TMEM232: variants seen among roughly 807,000 people sequenced by gnomAD.
TMEM232 encodes the protein transmembrane protein 232.
Under a neutral mutation model 78.8 loss-of-function variants are expected in TMEM232, and 80 were observed. The ratio of observed to expected loss-of-function variants is 1.01; its 90% CI spans 0.85 to 1.22. The LOEUF is 1.22. Among genes scored for constraint, TMEM232 ranks in the 50% most tolerant of loss-of-function variants. The pLI, the probability that TMEM232 is intolerant of heterozygous loss-of-function variation, is 0.00. For synonymous variants in TMEM232, 297 were observed against 254.3 expected (o/e 1.17, Z -1.60); for missense variants, 881 against 742.2 (o/e 1.19, Z -2.17).
rs934914111 is a variant in TMEM232 at position 110,528,675 on chromosome 5, T to G, written c.1616A>C (p.Lys539Thr). The G allele has an allele frequency of 1.3e-5, 20 of 1,535,250 alleles. No homozygotes were observed. In the Admixed American group the frequency reaches 2.9e-4, roughly 23 times the overall value. ...TTGATCCTTTTTTATTGATGGTTTC[T>G]TCAAAGGAAGAAAATGGGCCTCAAT... is the stretch of plus-strand genomic sequence containing the variant. ...PPIEAHFLPLKKPSIKKDQTK... is the reference protein window; with the variant it reads ...PPIEAHFLPLTKPSIKKDQTK... Residue 539 changes from lysine to threonine, a missense_variant, in exon 12 of 14, where the codon AAG (lysine) becomes ACG (threonine). Lys to Thr is a moderately conservative substitution (Grantham distance 78). Coordinates refer to ENST00000455884, the MANE Select transcript of TMEM232 (RefSeq NM_001039763.4).
chr5:110,719,987 G>A (rs1797426583), intron 1 of TMEM232, among the ~76,000 whole-genome samples: 1 of 152,038 alleles, frequency 6.6e-6, no homozygotes, highest in Admixed American at 6.6e-5. Flanking sequence ...CCCTTGTTCT[G>A]GTTCTCGCTG....
intron 12 of TMEM232, among the ~76,000 whole-genome samples, chr5:110,435,249 A>C (rs1020890813): frequency 3.3e-5 from 5 of 151,876 alleles, no homozygotes; most frequent in Non-Finnish European, 7.4e-5. Flanking sequence ...AAATCAATGC[A>C]CAAAAATCAG....
intron 12 of TMEM232, among the ~76,000 whole-genome samples, chr5:110,496,550 T>C (rs1240165523): frequency 6.6e-6 from 1 of 152,016 alleles, no homozygotes; most frequent in East Asian, 1.9e-4. Context: ...ATGCTATAAT[T>C]TTCTTAATAA....
At chr5:110,563,584 A>T (rs1490134793) in intron 11 of TMEM232, among the ~76,000 whole-genome samples, 4 of 151,878 alleles carry the variant, frequency 2.6e-5, no homozygotes, top group Non-Finnish European at 5.9e-5. Flanking sequence ...TTTCTGTTAG[A>T]ACTGTTCAAA....
At chr5:110,414,993 A>G (rs149379568), downstream of TMEM232, among the ~76,000 whole-genome samples, 1 of 152,150 alleles carries the variant, frequency 6.6e-6, no homozygotes, top group Non-Finnish European at 1.5e-5. Context: ...CACCCTGACA[A>G]TTGCATGTGT....
At chr5:110,590,765 T>C (rs1163072644) in intron 10 of TMEM232, among the ~76,000 whole-genome samples, 2 of 152,192 alleles carry the variant, frequency 1.3e-5, no homozygotes, top group Non-Finnish European at 2.9e-5. Context: ...TTAATTGACT[T>C]ACAGTTCCAC....
chr5:110,573,570 T>TA (rs1305485191), intron 10 of TMEM232, among the ~76,000 whole-genome samples: 1 of 152,106 alleles, frequency 6.6e-6, no homozygotes, highest in East Asian at 1.9e-4. Flanking sequence ...TTGGTATACT[T>TA]AATTCCAATG....
chr5:110,456,486 G>T (rs1034029445), intron 12 of TMEM232, among the ~76,000 whole-genome samples: 1 of 152,054 alleles, frequency 6.6e-6, no homozygotes. Flanking sequence ...CTAATATAGA[G>T]ATGCAATAAT....
intron 12 of TMEM232, among the ~76,000 whole-genome samples, chr5:110,467,316 G>A (rs1004468048): frequency 2.0e-5 from 3 of 152,146 alleles, no homozygotes; most frequent in African/African-American, 7.2e-5. Context: ...TAAAAATCTA[G>A]GCTTTTCCCA....
At chr5:110,614,586 T>C (rs1430512978) in intron 8 of TMEM232, among the ~76,000 whole-genome samples, 3 of 152,144 alleles carry the variant, frequency 2.0e-5, no homozygotes, top group Non-Finnish European at 4.4e-5. Flanking sequence ...CCATTCGATA[T>C]TCTTAATCAG....
chr5:110,730,484 T>C (rs1798570918), upstream of TMEM232, among the ~76,000 whole-genome samples: 1 of 152,198 alleles, frequency 6.6e-6, no homozygotes, highest in Non-Finnish European at 1.5e-5. Flanking sequence ...ACTGTATTAG[T>C]TTGTTTTCAT....
At chr5:110,501,656 A>G (rs1262137703) in intron 12 of TMEM232, among the ~76,000 whole-genome samples, 12 of 152,260 alleles carry the variant, frequency 7.9e-5, no homozygotes, top group African/African-American at 2.9e-4. Flanking sequence ...TTAACTGGCT[A>G]TATTCCTGGA....
intron 8 of TMEM232, among the ~76,000 whole-genome samples, chr5:110,611,972 A>C (rs1055581635): frequency 6.6e-6 from 1 of 152,164 alleles, no homozygotes; most frequent in African/African-American, 2.4e-5. Context: ...GGTTAGCTGG[A>C]GGAAAGGACA....
intron 2 of TMEM232, chr5:110,734,771 C>G (rs563858018): frequency 6.6e-6 from 1 of 152,292 alleles, no homozygotes; most frequent in East Asian, 1.9e-4. Context: ...TATATCACAT[C>G]ATTTTACAAA....
At chr5:110,409,670 G>T (rs888817845) in intron 2 of TMEM232, among the ~76,000 whole-genome samples, 9 of 151,888 alleles carry the variant, frequency 5.9e-5, no homozygotes, top group African/African-American at 2.2e-4. Flanking sequence ...TCCCCCATCT[G>T]TTGAGTATCT....
intron 12 of TMEM232, among the ~76,000 whole-genome samples, chr5:110,492,198 TATA>T (rs1205207479): frequency 2.0e-5 from 3 of 151,426 alleles, no homozygotes; most frequent in South Asian, 2.1e-4. Context: ...AAACTTAAAG[TATA>T]ATAATAATAA....
At chr5:110,602,514 T>C (rs1781046685) in intron 10 of TMEM232, among the ~76,000 whole-genome samples, 1 of 152,022 alleles carries the variant, frequency 6.6e-6, no homozygotes, top group Admixed American at 6.6e-5. Flanking sequence ...AGAAAACATT[T>C]ATGTGGCCAA....
chr5:110,694,372 A>G (rs1181356500), intron 1 of TMEM232, among the ~76,000 whole-genome samples: 1 of 152,128 alleles, frequency 6.6e-6, no homozygotes, highest in Non-Finnish European at 1.5e-5. Context: ...AAAGACCATC[A>G]AGGCTGGGAA....
chr5:110,479,476 C>A (rs544040758), intron 12 of TMEM232, among the ~76,000 whole-genome samples: 1 of 151,740 alleles, frequency 6.6e-6, no homozygotes, highest in Non-Finnish European at 1.5e-5. Context: ...CAAATACAAC[C>A]TCTATGCTGC....
Sources: gnomAD v4.1 joint callset for allele counts (sites outside exome capture counted in the v4.1 genomes callset) on GRCh38, gnomAD v4.1.1 for gene constraint, MANE v1.5 for transcripts, NCBI Gene and HGNC (gene_info 2026-07-23, HGNC 2026-07-21) for gene names.